PCDH7: variants seen among roughly 807,000 people sequenced by gnomAD.
PCDH7 encodes the protein protocadherin-7.
A neutral mutation model predicts 58.9 loss-of-function variants in PCDH7; 17 were observed. The observed-to-expected ratio is 0.29, with a 90% CI of 0.20 to 0.43. The LOEUF is 0.43. Ranked by LOEUF, PCDH7 falls within the 20% of genes least tolerant of loss-of-function variation. PCDH7 has a pLI of 1.00. For synonymous variants in PCDH7, 664 were observed against 616.4 expected (o/e 1.08, Z -1.14); for missense variants, 1,274 against 1,441.0 (o/e 0.88, Z 1.88).
intron 3 of PCDH7, among the ~76,000 whole-genome samples, chr4:31,097,638 A>ATATGATC (rs370034723): frequency 1.3e-5 from 1 of 79,210 alleles, no homozygotes; most frequent in Non-Finnish European, 2.4e-5. Flanking sequence ...ATATATATAT[A>ATATGATC]AATCTTTTTT....
At chr4:30,783,001 T>G (rs990325807) in intron 1 of PCDH7, 3 of 152,166 alleles carry the variant, frequency 2.0e-5, no homozygotes, top group African/African-American at 7.2e-5. Context: ...CCCATCAACA[T>G]CTATACAACT....
intron 3 of PCDH7, among the ~76,000 whole-genome samples, chr4:31,056,310 G>A (rs575640055): frequency 2.6e-4 from 39 of 151,188 alleles, no homozygotes; most frequent in Admixed American, 6.6e-4. Context: ...CGAAGCTGTA[G>A]TAAGCCGTAA....
chr4:30,804,735 A>G (rs1725969079), intron 1 of PCDH7, among the ~76,000 whole-genome samples: 1 of 152,120 alleles, frequency 6.6e-6, no homozygotes, highest in Admixed American at 6.6e-5. Context: ...CTTTTTATAA[A>G]CTACCCACTT....
At chr4:30,930,963 C>CAAAAAAATA (rs1429595379) in intron 2 of PCDH7, among the ~76,000 whole-genome samples, 8 of 151,366 alleles carry the variant, frequency 5.3e-5, no homozygotes, top group Non-Finnish European at 8.8e-5. Context: ...CACAAACAAA[C>CAAAAAAATA]AAAAAAATAA....
chr4:30,782,889 C>G (rs1019489372), intron 1 of PCDH7, among the ~76,000 whole-genome samples: 2 of 152,140 alleles, frequency 1.3e-5, no homozygotes, highest in Non-Finnish European at 2.9e-5. Flanking sequence ...TTATGACCTG[C>G]TTCAAGGGAG....
chr4:30,985,622 G>A (rs147645669), intron 3 of PCDH7, among the ~76,000 whole-genome samples: 1 of 152,280 alleles, frequency 6.6e-6, no homozygotes, highest in Non-Finnish European at 1.5e-5. Flanking sequence ...AACTGTGACA[G>A]AGTGAAATGA....
At chr4:30,803,173 A>G (rs1725746853) in intron 1 of PCDH7, among the ~76,000 whole-genome samples, 1 of 152,122 alleles carries the variant, frequency 6.6e-6, no homozygotes. Flanking sequence ...AGTGAGTGGG[A>G]TAGGTGATGA....
At chr4:30,967,140 C>G (rs1409144671) in intron 3 of PCDH7, among the ~76,000 whole-genome samples, 1 of 151,804 alleles carries the variant, frequency 6.6e-6, no homozygotes, top group East Asian at 1.9e-4. Context: ...TGTTTTAAAT[C>G]CATATAAGAA....
At chr4:30,847,356 G>T (rs1732116293) in intron 1 of PCDH7, among the ~76,000 whole-genome samples, 2 of 152,128 alleles carry the variant, frequency 1.3e-5, no homozygotes, top group African/African-American at 2.4e-5. Flanking sequence ...AACTAGTTGT[G>T]TTGCAGGCCT....
chr4:30,833,561 C>A (rs1730078013), intron 1 of PCDH7, among the ~76,000 whole-genome samples: 1 of 152,144 alleles, frequency 6.6e-6, no homozygotes, highest in Non-Finnish European at 1.5e-5. Flanking sequence ...TCGTCTTAGT[C>A]CCATCCCCAC....
chr4:30,877,723 T>C (rs1212238773), intron 1 of PCDH7, among the ~76,000 whole-genome samples: 2 of 152,212 alleles, frequency 1.3e-5, no homozygotes. Flanking sequence ...AACTACATGG[T>C]ATTCAGTGGA....
chr4:30,917,061 G>C (rs1742569521), intron 1 of PCDH7, among the ~76,000 whole-genome samples: 1 of 152,136 alleles, frequency 6.6e-6, no homozygotes, highest in Non-Finnish European at 1.5e-5. Flanking sequence ...GTCAGGAGTT[G>C]ACACTCTGCT....
chr4:30,743,200 C>T (rs945930341), intron 1 of PCDH7, among the ~76,000 whole-genome samples: 3 of 152,088 alleles, frequency 2.0e-5, no homozygotes, highest in Non-Finnish European at 2.9e-5. Context: ...ATAGATTTTT[C>T]GAAAAGAATA....
At chr4:30,892,114 G>A (rs985846810) in intron 1 of PCDH7, among the ~76,000 whole-genome samples, 1 of 151,860 alleles carries the variant, frequency 6.6e-6, no homozygotes, top group African/African-American at 2.4e-5. Flanking sequence ...CACTTAACTG[G>A]GTTGTTGCAG....
intron 1 of PCDH7, among the ~76,000 whole-genome samples, chr4:30,878,436 A>T (rs1736558554): frequency 6.6e-6 from 1 of 152,028 alleles, no homozygotes; most frequent in South Asian, 2.1e-4. Flanking sequence ...ACTAGGAGGG[A>T]GAATGGTAGA....
chr4:30,898,480 G>A (rs575042441), intron 1 of PCDH7, among the ~76,000 whole-genome samples: 7 of 152,278 alleles, frequency 4.6e-5, no homozygotes, highest in Admixed American at 2.6e-4. Flanking sequence ...TTTTAACTCC[G>A]CAGATCACAT....
At chr4:30,994,850 A>G (rs61792934) in intron 3 of PCDH7, among the ~76,000 whole-genome samples, 1 of 152,062 alleles carries the variant, frequency 6.6e-6, no homozygotes, top group Non-Finnish European at 1.5e-5. Context: ...ATATCTCTAT[A>G]TAAAATCTGG....
At chr4:30,926,141 T>C (rs1743836964) in intron 2 of PCDH7, among the ~76,000 whole-genome samples, 1 of 152,108 alleles carries the variant, frequency 6.6e-6, no homozygotes, top group Non-Finnish European at 1.5e-5. Context: ...TTACCATTAT[T>C]ATTTAAATAA....
chr4:31,012,181 T>C (rs1227067763), intron 3 of PCDH7, among the ~76,000 whole-genome samples: 7 of 152,156 alleles, frequency 4.6e-5, no homozygotes, highest in Non-Finnish European at 1.0e-4. Context: ...TCGGGTTTGA[T>C]TTCCTTTTGG....
Sources: allele counts gnomAD v4.1 joint callset (sites outside exome capture counted in the v4.1 genomes callset), GRCh38; gene constraint gnomAD v4.1.1; transcripts MANE v1.5; gene names NCBI Gene and HGNC (gene_info 2026-07-23, HGNC 2026-07-21).